LYST: variants seen among roughly 807,000 people sequenced by gnomAD.
LYST encodes the protein lysosomal-trafficking regulator.
LYST carries 192 observed loss-of-function variants against 413.6 expected under a neutral mutation model. That is an observed-to-expected ratio of 0.46 (90% CI 0.41 to 0.52). The LOEUF (loss-of-function observed/expected upper bound fraction) is 0.52. Among genes scored for constraint, LYST ranks in the 20% least tolerant of loss-of-function variants. The probability of loss-of-function intolerance (pLI) is 0.00; values close to 1 mark genes in which losing one functional copy is unlikely to be tolerated. For synonymous variants in LYST, 1,525 were observed against 1,567.3 expected (o/e 0.97, Z 0.64); for missense variants, 3,815 against 4,499.9 (o/e 0.85, Z 4.35).
chr1:235,733,565 A>T lies in LYST; in HGVS notation c.8739T>A (p.Tyr2913Ter). ...GTCTGCTGGCACTCAAATCTACTTT[A>T]TACATTCCTCTAATATGCTGGATCA... ...KKVIQHIRGM[Y>*]KVDLSASRHW... The change falls in exon 34 of 53, where the codon TAT (tyrosine) becomes TAA (stop). Residue 2913 changes from tyrosine (Y) to a stop codon, truncating the protein, a stop_gained. Coordinates refer to ENST00000389793, the MANE Select transcript of LYST (RefSeq NM_000081.4). LOFTEE classifies it high-confidence loss of function. 6.2e-7 allele frequency: 1 copy of T among 1,614,008 alleles called. No individual in the cohort carries two copies. Among genetic ancestry groups the T allele is most frequent in the Non-Finnish European group, 8.5e-7 (1 of 1,179,920 alleles).
intron 3 of LYST, among the ~76,000 whole-genome samples, chr1:235,815,059 T>C (rs1466862779): frequency 1.3e-5 from 2 of 152,222 alleles, no homozygotes; most frequent in Non-Finnish European, 2.9e-5. Context: ...GGGAGACTTC[T>C]CTAACACCCT....
intron 11 of LYST, among the ~76,000 whole-genome samples, chr1:235,792,490 T>C (rs1671113657): frequency 6.6e-6 from 1 of 151,968 alleles, no homozygotes; most frequent in East Asian, 1.9e-4. Context: ...AATTTTTGTA[T>C]TTTTAGTAGA....
intron 1 of LYST, among the ~76,000 whole-genome samples, chr1:235,863,895 C>T (rs939005828): frequency 6.6e-6 from 1 of 152,142 alleles, no homozygotes; most frequent in Non-Finnish European, 1.5e-5. Flanking sequence ...CTGTGCACTT[C>T]CTTGTAAAAT....
intron 44 of LYST, among the ~76,000 whole-genome samples, chr1:235,708,016 T>C (rs1319102636): frequency 1.3e-5 from 2 of 152,150 alleles, no homozygotes; most frequent in Non-Finnish European, 2.9e-5. Context: ...TTGAAGCATT[T>C]TGAATTTTGG....
In LYST at chr1:235,755,388, CAAAAGAAAAGAAAAGAAAAG is replaced by C. The variant is rs71174459; in HGVS notation, c.7229+70_7229+89del. 77 of 867,376 alleles carry C rather than the reference CAAAAGAAAAGAAAAGAAAAG, an allele frequency of 8.9e-5. 2 individuals carry two copies. Among genetic ancestry groups the C allele is most frequent in the Middle Eastern group, 4.7e-4 (2 of 4,244 alleles). 53.7% of individuals were successfully genotyped at this position (867,376 alleles called of 1,614,324 possible). A position where few individuals can be genotyped will look rare whatever the true frequency, so the allele number is the denominator to read the frequency against. On this transcript the variant is annotated intron_variant, in intron 25 of 52. Transcript: ENST00000389793. ...TGGGCAACAGGGCGAGACTCCGTCT[CAAAAGAAAAGAAAAGAAAAG>C]AAAAGAAAAGAAAAGAAAAGAAAAA...
chr1:235,808,811 A>C lies in LYST; in HGVS notation c.2007T>G (p.Ser669Arg), dbSNP rs1444362386. Residue 669 changes from serine (S) to arginine (R), a missense_variant, in exon 5 of 53, where the codon AGT becomes AGG. This residue lies in a region of LYST where 1,648 missense variants were observed against 1,810.3 expected (regional missense o/e 0.91). Coordinates refer to ENST00000389793, the MANE Select transcript of LYST (RefSeq NM_000081.4). ...CDAELSSSLS[S>R]PSYRFQGILP... is the part of the protein sequence containing the mutation. ...GGATCCCTTGAAATCTGTAAGAAGG[A>C]CTGGATAAACTTGAGGAGAGTTCAG... 1.2e-6 allele frequency: 2 copies of C among 1,614,072 alleles called. No homozygotes were observed. Among genetic ancestry groups the C allele is most frequent in the Admixed American group, 3.3e-5 (2 of 59,994 alleles).
At chr1:235,709,338 A>G (rs546486381) in intron 43 of LYST, 30 bp from the exon 44 acceptor site, 1 of 1,515,974 alleles carries the variant, frequency 6.6e-7, no homozygotes, top group Admixed American at 1.9e-5. Context: ...TTAATATTTA[A>G]CTCCCCCACA....
In LYST at chr1:235,801,081, A is replaced by G. The variant is rs762114389; in HGVS notation, c.3729T>C (p.Ser1243=). 1 of 1,607,992 alleles carries G rather than the reference A, an allele frequency of 6.2e-7. No homozygotes were observed. The highest frequency in any genetic ancestry group is 1.3e-5 in the African/African-American group (1 of 74,930). ...ETQDDGVDLK[S]ETEGFSASSS... is the part of the protein sequence containing the mutation. ...TTGATGCACTGAAACCTTCTGTTTCAGACTTTAAGTCTACCCCTGAAAAGA... is the reference window on the plus strand; with the variant it reads ...TTGATGCACTGAAACCTTCTGTTTCGGACTTTAAGTCTACCCCTGAAAAGA... Residue 1243 remains serine (S), a synonymous_variant, in exon 9 of 53, where the codon TCT becomes TCC. Coordinates refer to ENST00000389793, the MANE Select transcript of LYST (RefSeq NM_000081.4).
intron 1 of LYST, among the ~76,000 whole-genome samples, chr1:235,846,795 G>A (rs1312817408): frequency 6.6e-6 from 1 of 152,004 alleles, no homozygotes; most frequent in African/African-American, 2.4e-5. Context: ...TCGAAGACAA[G>A]GTCTTCGAAT....
intron 24 of LYST, among the ~76,000 whole-genome samples, chr1:235,756,781 C>T (rs1332049182): frequency 1.3e-5 from 2 of 151,904 alleles, no homozygotes; most frequent in Non-Finnish European, 2.9e-5. Flanking sequence ...AAATAGGATG[C>T]TATGATAGAA....
At chr1:235,693,933 T>C (rs1438679263) in intron 46 of LYST, among the ~76,000 whole-genome samples, 1 of 152,126 alleles carries the variant, frequency 6.6e-6, no homozygotes, top group Non-Finnish European at 1.5e-5. Flanking sequence ...GAAGGGATCA[T>C]TTAATCCTGT....
intron 7 of LYST, among the ~76,000 whole-genome samples, chr1:235,803,469 C>T (rs887264303): frequency 6.6e-6 from 1 of 151,726 alleles, no homozygotes; most frequent in Admixed American, 6.6e-5. Flanking sequence ...TTTATAAATG[C>T]CTTATAAGTT....
At chr1:235,767,699 C>T (rs2103402847) in intron 20 of LYST, among the ~76,000 whole-genome samples, 2 of 152,134 alleles carry the variant, frequency 1.3e-5, no homozygotes, top group South Asian at 4.1e-4. Context: ...TTTGCTTTTG[C>T]TGCTGGACTT....
intron 1 of LYST, among the ~76,000 whole-genome samples, chr1:235,836,857 T>C (rs757026164): frequency 4.6e-5 from 7 of 152,190 alleles, no homozygotes; most frequent in African/African-American, 7.2e-5. Context: ...TTAGGTGTGA[T>C]AGGTTTCTTA....
chr1:235,798,602 A>AC (rs1671842819), intron 10 of LYST, among the ~76,000 whole-genome samples: 2 of 109,158 alleles, frequency 1.8e-5, no homozygotes, highest in Admixed American at 9.0e-5. Context: ...AAAAAAAAAA[A>AC]AAAAAAAAAA....
rs1177136791 is a variant in LYST, at chr1:235,782,054, T to C, written c.4896A>G (p.Pro1632=). ...KPDVTLDFML[P]RKTSLSSDSN... ...TATCAGATGACAAACTTGTTTTTCT[T>C]GGAAGCATAAAATCCAAAGTAACAT... Residue 1632 remains proline, a synonymous_variant, in exon 15 of 53, where the codon CCA becomes CCG. Transcript: ENST00000389793. The C allele has an allele frequency of 1.2e-6, 2 of 1,613,076 alleles. No homozygotes were observed. The highest frequency in any genetic ancestry group is 1.3e-5 in the African/African-American group (1 of 74,902).
intron 1 of LYST, among the ~76,000 whole-genome samples, chr1:235,882,321 G>C (rs532925811): frequency 6.6e-6 from 1 of 152,310 alleles, no homozygotes; most frequent in South Asian, 2.1e-4. Flanking sequence ...GACAGTCCTG[G>C]ACTCTTGCAG....
chr1:235,754,552 A>G (rs1666825000), intron 25 of LYST, among the ~76,000 whole-genome samples: 1 of 151,976 alleles, frequency 6.6e-6, no homozygotes, highest in South Asian at 2.1e-4. Flanking sequence ...TAATCTTCTC[A>G]TGTTAATACT....
At chr1:235,776,920 C>A in intron 17 of LYST, 143 bp downstream of exon 17, 2 of 684,878 alleles carry the variant, frequency 2.9e-6, no homozygotes, top group Non-Finnish European at 4.9e-6. Context: ...AGCTTAATAA[C>A]ATTTTAATAT....
Sources: gnomAD v4.1 joint callset for allele counts (sites outside exome capture counted in the v4.1 genomes callset) on GRCh38, gnomAD v4.1.1 for gene constraint, gnomAD v4.1.1 regional missense constraint, MANE v1.5 for transcripts, NCBI Gene and HGNC (gene_info 2026-07-23, HGNC 2026-07-21) for gene names.